Variants in RFTN2 observed in about 807,000 individuals in gnomAD.
RFTN2 encodes raftlin family member 2.
RFTN2 carries 34 observed loss-of-function variants against 52.7 expected under a neutral mutation model. The ratio of observed to expected loss-of-function variants is 0.64; its 90% confidence interval spans 0.49 to 0.86. The LOEUF (loss-of-function observed/expected upper bound fraction) is 0.86. RFTN2 is among the 40% of genes least tolerant of loss of function. RFTN2 has a pLI of 0.00. For synonymous variants in RFTN2, 203 were observed against 217.7 expected (o/e 0.93, Z 0.59); for missense variants, 536 against 600.1 (o/e 0.89, Z 1.12).
At chr2:197,663,562 T>C (rs539394365) in intron 1 of RFTN2, among the ~76,000 whole-genome samples, 1 of 152,352 alleles carries the variant, frequency 6.6e-6, no homozygotes, top group South Asian at 2.1e-4. Flanking sequence ...TGGTAGGTTG[T>C]ATGTGTGCAG....
intron 1 of RFTN2, among the ~76,000 whole-genome samples, chr2:197,673,141 G>C (rs1379278888): frequency 1.3e-5 from 2 of 152,252 alleles, no homozygotes; most frequent in South Asian, 2.1e-4. Flanking sequence ...ACACACAGCT[G>C]TCACCAGGCC....
At position 197,569,532 on chromosome 2, in the gene RFTN2, G is replaced by A. The variant is rs1263009866; in HGVS notation, c.*2476C>T. On this transcript the variant is annotated 3_prime_UTR_variant, in exon 9 of 9. Coordinates refer to ENST00000295049, the MANE Select transcript of RFTN2 (RefSeq NM_144629.3). ...TAAAACAAGTTTTGAGGATATGACA[G>A]ACTAGTAAGTTTATTTTAATAAAAG... is the stretch of plus-strand genomic sequence containing the variant. 6.6e-6 allele frequency: 1 copy of A among 152,096 alleles called. No individual in the cohort carries two copies. The highest frequency in any genetic ancestry group is 6.6e-5 in the Admixed American group (1 of 15,252). The allele number at this position is 152,096 out of a possible 1,614,324, so 9.4% of individuals were successfully genotyped here. A position where few individuals can be genotyped will look rare whatever the true frequency, so the allele number is the denominator to read the frequency against.
intron 8 of RFTN2, among the ~76,000 whole-genome samples, chr2:197,595,342 C>T (rs968141140): frequency 1.3e-5 from 2 of 152,224 alleles, no homozygotes; most frequent in Non-Finnish European, 2.9e-5. Flanking sequence ...ACAAATTAAA[C>T]TGACAAAAGA....
chr2:197,663,960 T>C (rs2089013877), intron 1 of RFTN2, among the ~76,000 whole-genome samples: 1 of 152,168 alleles, frequency 6.6e-6, no homozygotes. Flanking sequence ...GTATCACTTT[T>C]GTTGTATCCC....
chr2:197,618,053 TC>T, intron 5 of RFTN2, 132 bp from the exon 6 acceptor site: 2 of 399,766 alleles, frequency 5.0e-6, no homozygotes, highest in South Asian at 6.2e-5. Flanking sequence ...TGTTGCCCCC[TC>T]CCCCTCCCCC....
chr2:197,611,276 G>A (rs182814539), intron 7 of RFTN2, among the ~76,000 whole-genome samples: 140 of 152,210 alleles, frequency 9.2e-4, no homozygotes, highest in Non-Finnish European at 1.7e-3. Context: ...ATTAATTATT[G>A]CCTCAATTTC....
chr2:197,576,811 A>G (rs767787026), intron 8 of RFTN2, among the ~76,000 whole-genome samples: 4 of 152,210 alleles, frequency 2.6e-5, no homozygotes, highest in Non-Finnish European at 5.9e-5. Context: ...GAGGCAGCTC[A>G]TCTTTTTCTT....
rs1390605919 is a variant in RFTN2, at chr2:197,630,995, T to G, written c.928+16A>C. 6.6e-7 allele frequency: 1 copy of G among 1,506,250 alleles called. No homozygotes were observed. The highest frequency in any genetic ancestry group is 9.2e-7 in the Non-Finnish European group (1 of 1,086,446). 93.3% of individuals were successfully genotyped at this position (1,506,250 alleles called of 1,614,324 possible). A position where few individuals can be genotyped will look rare whatever the true frequency, so the allele number is the denominator to read the frequency against. On this transcript the variant is annotated intron_variant, in intron 5 of 8. Coordinates refer to ENST00000295049, the MANE Select transcript of RFTN2 (RefSeq NM_144629.3). ...CAAATTCCTCAGATATAAAATATCA[T>G]TAACATAAAACTTACCTTTAGATGT...
intron 5 of RFTN2, among the ~76,000 whole-genome samples, chr2:197,621,401 G>GTTTTT (rs55724429): frequency 2.4e-5 from 3 of 122,580 alleles, no homozygotes; most frequent in Admixed American, 8.8e-5. Context: ...GCAGATACCG[G>GTTTTT]TTTTTTTTTT....
chr2:197,572,021 AC>A lies in RFTN2; in HGVS notation c.1492del (p.Val498SerfsTer7). 6.2e-7 allele frequency: 1 copy of A among 1,614,216 alleles called. No individual in the cohort carries two copies. The part of the protein sequence containing the change: ...QFDQEDGVTQ[V>X]TCM ...TCACCTCATGGCTCACATACAAGTG[AC>A]CTGAGTCACTCCATCTTCCTGATCA... is the stretch of plus-strand genomic sequence containing the variant. On this transcript the variant is annotated frameshift_variant, in exon 9 of 9. Transcript: ENST00000295049. LOFTEE classifies it high-confidence loss of function.
intron 1 of RFTN2, among the ~76,000 whole-genome samples, chr2:197,654,400 A>C (rs980916458): frequency 9.3e-5 from 14 of 150,638 alleles, no homozygotes; most frequent in Non-Finnish European, 1.9e-4. Context: ...GTCTTAAAAC[A>C]AACAAAAAAA....
intron 7 of RFTN2, among the ~76,000 whole-genome samples, chr2:197,610,579 C>T (rs1165669885): frequency 6.6e-6 from 1 of 152,214 alleles, no homozygotes; most frequent in Non-Finnish European, 1.5e-5. Context: ...TTGACCTCCT[C>T]ATTTCCTAAT....
intron 1 of RFTN2, among the ~76,000 whole-genome samples, chr2:197,655,958 A>G (rs1371336459): frequency 2.0e-5 from 3 of 152,208 alleles, no homozygotes; most frequent in African/African-American, 7.2e-5. Context: ...CACAGAGATG[A>G]CATTACGGTA....
intron 8 of RFTN2, among the ~76,000 whole-genome samples, chr2:197,579,724 T>G (rs2087474436): frequency 6.6e-6 from 1 of 152,014 alleles, no homozygotes; most frequent in African/African-American, 2.4e-5. Context: ...TTTTCAATCT[T>G]TCTCTTCTAC....
intron 1 of RFTN2, among the ~76,000 whole-genome samples, chr2:197,654,071 A>T (rs2088859653): frequency 6.6e-6 from 1 of 152,232 alleles, no homozygotes. Context: ...GTTATTTGCC[A>T]AAGACTGAGC....
At chr2:197,617,755 A>G in intron 6 of RFTN2, 45 bp downstream of exon 6, 1 of 773,904 alleles carries the variant, frequency 1.3e-6, no homozygotes, top group African/African-American at 1.9e-5. Flanking sequence ...ATTATATATT[A>G]TATTTATATA....
chr2:197,633,693 T>C, intron 4 of RFTN2, 25 bp downstream of exon 4: 1 of 1,594,478 alleles, frequency 6.3e-7, no homozygotes. Flanking sequence ...TAGTATATTC[T>C]CTTTCTACTA....
At chr2:197,646,174 TCTC>T (rs1209547864) in intron 2 of RFTN2, among the ~76,000 whole-genome samples, 1 of 152,212 alleles carries the variant, frequency 6.6e-6, no homozygotes, top group Non-Finnish European at 1.5e-5. Flanking sequence ...GCTCACTGCT[TCTC>T]CTGCATCTGC....
At position 197,578,446 on chromosome 2, in the gene RFTN2, C is replaced by A. The variant is rs138747614; in HGVS notation, c.1234-6166G>T. ...TGAGCCCAAGCCTGCATGTATACAT[C>A]CAGATGGCCCAAAGTAACTGAAGAA... is the stretch of plus-strand genomic sequence containing the variant. On this transcript the variant is annotated intron_variant, in intron 8 of 8. Transcript: ENST00000295049. Among the ~76,000 whole-genome samples the A allele has an allele frequency of 1.3e-5, 2 of 152,242 alleles. 1 individual carries two copies. The highest frequency in any genetic ancestry group is 2.9e-5 in the Non-Finnish European group (2 of 68,008).
Sources: gnomAD v4.1 joint callset for allele counts (sites outside exome capture counted in the v4.1 genomes callset) on GRCh38, gnomAD v4.1.1 for gene constraint, MANE v1.5 for transcripts, NCBI Gene and HGNC (gene_info 2026-07-23, HGNC 2026-07-21) for gene names.